Variants in TENM2 observed in about 807,000 individuals in gnomAD.
The protein encoded by TENM2 is teneurin transmembrane protein 2, also known as teneurin-2.
A neutral mutation model predicts 245.2 loss-of-function variants in TENM2; 52 were observed. The observed-to-expected ratio is 0.21, with a 90% CI of 0.17 to 0.27. The LOEUF (loss-of-function observed/expected upper bound fraction) is 0.27, where lower values mean the gene tolerates loss of function less well. Ranked by LOEUF, TENM2 falls within the 10% of genes least tolerant of loss-of-function variation. The pLI is 1.00. For missense variants in TENM2, 3,046 were observed against 3,666.8 expected (o/e 0.83, Z 4.37); for synonymous variants, 1,363 against 1,438.9 (o/e 0.95, Z 1.19).
intron 2 of TENM2, among the ~76,000 whole-genome samples, chr5:167,456,298 C>T (rs1201832961): frequency 6.6e-6 from 1 of 152,142 alleles, no homozygotes; most frequent in Non-Finnish European, 1.5e-5. Flanking sequence ...TTTTACATTA[C>T]TTAATTTTAT....
rs773074265 is a variant in TENM2, at chr5:168,062,205, C to T, written c.1455C>T (p.Leu485=). The change falls in exon 7 of 29, where the codon CTC becomes CTT. Residue 485 remains leucine (L), a synonymous_variant. Coordinates refer to ENST00000518659, the Ensembl canonical transcript of TENM2. Reference sequence around the variant, plus strand: ...AGTTCTTAAAGTTCAACATCTCCCTCGGGAAGGACGCTCTCTTTGGTGTTT... The same window carrying T: ...AGTTCTTAAAGTTCAACATCTCCCTTGGGAAGGACGCTCTCTTTGGTGTTT... 59 of 1,613,654 alleles carry T rather than the reference C, an allele frequency of 3.7e-5. 1 individual carries two copies. The South Asian group carries it at 4.3e-4, about 12-fold the overall frequency.
At chr5:167,216,969 A>ATG in the TENM2 span, among the ~76,000 whole-genome samples, 13 of 152,236 alleles carry the variant, frequency 8.5e-5, no homozygotes, top group Non-Finnish European at 5.9e-5. Flanking sequence ...AACTGTATGT[A>ATG]TGTGATTTCA....
At chr5:167,537,390 A>G (rs1160742550) in intron 2 of TENM2, among the ~76,000 whole-genome samples, 1 of 152,192 alleles carries the variant, frequency 6.6e-6, no homozygotes, top group Admixed American at 6.5e-5. Context: ...AGTGACAATA[A>G]TCTCATCCTC....
At chr5:167,910,341 T>C (rs73803272) in intron 3 of TENM2, among the ~76,000 whole-genome samples, 11,557 of 152,168 alleles carry the variant, frequency 0.076, 1,011 homozygotes, top group African/African-American at 0.21. Flanking sequence ...AGGGCAATAA[T>C]CACAGAAAAT....
chr5:167,228,825 CT>C, the TENM2 span, among the ~76,000 whole-genome samples: 1 of 152,182 alleles, frequency 6.6e-6, no homozygotes, highest in Admixed American at 6.5e-5. Flanking sequence ...CCACCTCAGC[CT>C]CCTGAGCAGC....
chr5:167,619,260 A>G (rs1282915878), intron 2 of TENM2, among the ~76,000 whole-genome samples: 3 of 152,170 alleles, frequency 2.0e-5, no homozygotes, highest in Non-Finnish European at 4.4e-5. Flanking sequence ...GACATGTATA[A>G]CTGAAAGGAA....
At chr5:167,691,879 A>C (rs1312563983) in intron 2 of TENM2, among the ~76,000 whole-genome samples, 1 of 152,210 alleles carries the variant, frequency 6.6e-6, no homozygotes, top group Non-Finnish European at 1.5e-5. Flanking sequence ...TGGCTTTTGC[A>C]GAGGGTAAGT....
intron 2 of TENM2, chr5:167,660,464 C>CAAAAAAAAAAAAAAAAAA (rs749846307): frequency 3.0e-5 from 1 of 33,154 alleles, no homozygotes; most frequent in African/African-American, 7.2e-5. Flanking sequence ...GGCTGTGTCT[C>CAAAAAAAAAAAAAAAAAA]AAAAAAAAAA....
Position 168,171,838 on chromosome 5 carries a change from G to T in TENM2, c.2569+9081G>T, listed in dbSNP as rs549325939. Among the ~76,000 whole-genome samples, 3 of 152,326 alleles carry T rather than the reference G, an allele frequency of 2.0e-5. No individual in the cohort carries two copies. The East Asian group carries it at 5.8e-4, about 29-fold the overall frequency. On this transcript the variant is annotated intron_variant, in intron 13 of 28. Coordinates refer to ENST00000518659, the Ensembl canonical transcript of TENM2. Reference sequence around the variant, plus strand: ...AAAGGATGAAAACGCAGATTTCACTGGTGGCAAGGAGGTGATATTGATAGC... The same window carrying T: ...AAAGGATGAAAACGCAGATTTCACTTGTGGCAAGGAGGTGATATTGATAGC...
chr5:167,487,307 G>A (rs368442081), intron 2 of TENM2, among the ~76,000 whole-genome samples: 3 of 152,210 alleles, frequency 2.0e-5, no homozygotes, highest in Admixed American at 6.5e-5. Context: ...ACAACAAAAG[G>A]CCTTTAATCT....
chr5:167,496,841 G>A (rs186330752), intron 2 of TENM2, among the ~76,000 whole-genome samples: 67 of 152,030 alleles, frequency 4.4e-4, no homozygotes, highest in Admixed American at 1.6e-3. Context: ...CAAAAATGGA[G>A]CATTTTACAT....
the TENM2 span, among the ~76,000 whole-genome samples, chr5:167,111,403 A>G: frequency 1.3e-5 from 2 of 152,214 alleles, no homozygotes; most frequent in African/African-American, 2.4e-5. Flanking sequence ...TCTATTCATT[A>G]TAATACAAAG....
the TENM2 span, among the ~76,000 whole-genome samples, chr5:167,196,967 G>T: frequency 2.6e-5 from 4 of 151,784 alleles, no homozygotes; most frequent in African/African-American, 9.7e-5. Context: ...CCATACTCCT[G>T]TTATGTCTGT....
At chr5:167,922,794 C>T (rs1002313797) in intron 3 of TENM2, among the ~76,000 whole-genome samples, 1 of 152,304 alleles carries the variant, frequency 6.6e-6, no homozygotes, top group South Asian at 2.1e-4. Flanking sequence ...CTTAGCCTTA[C>T]CTCGGTGTAA....
chr5:167,435,109 A>C (rs1764467288), intron 2 of TENM2, among the ~76,000 whole-genome samples: 1 of 152,192 alleles, frequency 6.6e-6, no homozygotes, highest in South Asian at 2.1e-4. Flanking sequence ...CAATTCTCCA[A>C]TAAGCAGAGT....
chr5:167,744,634 G>A (rs947139097), intron 2 of TENM2, among the ~76,000 whole-genome samples: 7 of 152,110 alleles, frequency 4.6e-5, no homozygotes, highest in South Asian at 2.1e-4. Flanking sequence ...ATTTTATATC[G>A]TTCCTTCCAC....
intron 2 of TENM2, among the ~76,000 whole-genome samples, chr5:167,569,535 T>C (rs1774139762): frequency 6.6e-6 from 1 of 152,168 alleles, no homozygotes; most frequent in Non-Finnish European, 1.5e-5. Context: ...AGGGTTAATA[T>C]CCTGGCTTTG....
At chr5:167,643,287 A>C (rs1290758678) in intron 2 of TENM2, among the ~76,000 whole-genome samples, 1 of 152,194 alleles carries the variant, frequency 6.6e-6, no homozygotes, top group African/African-American at 2.4e-5. Context: ...CGCCCTAGGC[A>C]ATGACTAATC....
At chr5:167,782,784 TAA>T (rs1234152975) in intron 2 of TENM2, among the ~76,000 whole-genome samples, 2 of 152,158 alleles carry the variant, frequency 1.3e-5, no homozygotes, top group African/African-American at 2.4e-5. Flanking sequence ...CACCTCAGCT[TAA>T]AAGAGTGCTG....
Sources: gnomAD v4.1 joint callset for allele counts (sites outside exome capture counted in the v4.1 genomes callset) on GRCh38, gnomAD v4.1.1 for gene constraint, MANE v1.5 for transcripts, NCBI Gene and HGNC (gene_info 2026-07-23, HGNC 2026-07-21) for gene names.